HDDC2: variants seen among roughly 807,000 people sequenced by gnomAD.
The protein encoded by HDDC2 is HD domain containing 2, also known as 5'-deoxynucleotidase HDDC2.
In HDDC2, 25 loss-of-function variants were observed where a neutral mutation model predicts 25.5. The ratio of observed to expected loss-of-function variants is 0.98; its 90% CI spans 0.72 to 1.37. HDDC2 has a LOEUF of 1.37. Ranked by LOEUF, HDDC2 falls within the 40% of genes most tolerant of loss-of-function variation. HDDC2 has a pLI of 0.00. For missense variants in HDDC2, 264 were observed against 253.1 expected, an observed-to-expected ratio of 1.04 and a Z score of -0.29; for synonymous variants, 106 against 89.7, an observed-to-expected ratio of 1.18 and a Z score of -1.03.
At chr6:125,281,491 A>G (rs1485418215) in intron 4 of HDDC2, among the ~76,000 whole-genome samples, 2 of 152,190 alleles carry the variant, frequency 1.3e-5, no homozygotes, top group Admixed American at 1.3e-4. Context: ...TAACCAGAAT[A>G]AACAGTTTAG....
chr6:125,295,367 T>A (rs530342822), intron 3 of HDDC2, among the ~76,000 whole-genome samples: 1 of 152,324 alleles, frequency 6.6e-6, no homozygotes, highest in Non-Finnish European at 1.5e-5. Context: ...CAGACACTGA[T>A]GAGGCTGAAG....
rs1798782496 is a variant in HDDC2, at chr6:125,300,586, A to G, written c.158T>C (p.Met53Thr). 5.0e-6 allele frequency: 8 copies of G among 1,614,222 alleles called. No individual in the cohort carries two copies. In the East Asian group the frequency reaches 1.8e-4, roughly 36 times the overall value. Residue 53 changes from methionine to threonine, a missense_variant, in exon 2 of 6, where the codon ATG (methionine) becomes ACG (threonine). Transcript: ENST00000398153. ...PESVSDHMYRMAVMAMVIKDD... is the reference protein window; with the variant it reads ...PESVSDHMYRTAVMAMVIKDD... The stretch of plus-strand genomic sequence containing the variant: ...TTTGATCACCATAGCCATAACTGCC[A>G]TCCGGTACATGTGATCTGAAACGCT...
At chr6:125,292,251 A>AG (rs946851992) in intron 4 of HDDC2, among the ~76,000 whole-genome samples, 2 of 152,278 alleles carry the variant, frequency 1.3e-5, no homozygotes, top group Non-Finnish European at 2.9e-5. Flanking sequence ...AGACAACAGT[A>AG]GAAGAGGGAA....
Position 125,300,536 on chromosome 6 carries a change from A to T in HDDC2, c.206+2T>A, listed in dbSNP as rs113334907. On this transcript the variant is annotated splice_donor_variant, in intron 2 of 5. Coordinates refer to ENST00000398153, the MANE Select transcript of HDDC2 (RefSeq NM_016063.3). LOFTEE classifies it high-confidence loss of function. ...CGAGCATCAAAGTCCAGCTCAGCTT[A>T]CCGGTCTTTGTTAAGACGGTCATCT... 1 of 1,613,460 alleles carries T rather than the reference A, an allele frequency of 6.2e-7. No individual in the cohort carries two copies. Among genetic ancestry groups the T allele is most frequent in the Non-Finnish European group, 8.5e-7 (1 of 1,179,792 alleles).
chr6:125,284,186 G>T (rs570684283), intron 4 of HDDC2, among the ~76,000 whole-genome samples: 2 of 152,134 alleles, frequency 1.3e-5, no homozygotes, highest in Non-Finnish European at 2.9e-5. Context: ...AGATTTAAAC[G>T]TAAGACCTAA....
chr6:125,281,258 C>T (rs1235337511), intron 4 of HDDC2, among the ~76,000 whole-genome samples: 8 of 152,098 alleles, frequency 5.3e-5, no homozygotes, highest in South Asian at 4.1e-4. Context: ...GAAAAAACAG[C>T]GCAAAAAGGC....
chr6:125,292,326 G>A (rs1798644449), intron 4 of HDDC2, among the ~76,000 whole-genome samples: 1 of 151,478 alleles, frequency 6.6e-6, no homozygotes, highest in Admixed American at 6.6e-5. Flanking sequence ...ACTGTCAGCA[G>A]CACTGGGAAG....
chr6:125,298,908 A>T, intron 2 of HDDC2, 92 bp from the exon 3 acceptor site: 2 of 764,218 alleles, frequency 2.6e-6, no homozygotes, highest in Non-Finnish European at 4.2e-6. Context: ...TAATATATAT[A>T]TTTTTTCTCC....
In HDDC2 at chr6:125,276,000, G is replaced by T; in HGVS notation, c.*146C>A. On this transcript the variant is annotated 3_prime_UTR_variant, in exon 6 of 6. Coordinates refer to ENST00000398153, the MANE Select transcript of HDDC2 (RefSeq NM_016063.3). ...TGTGGCTTCTTTTAGTGCCCAAGTT[G>T]TATCACATTTCTTGCTGAAGTTCAG... The T allele has an allele frequency of 1.5e-6, 1 of 649,726 alleles. No individual in the cohort carries two copies. Among genetic ancestry groups the T allele is most frequent in the Non-Finnish European group, 2.7e-6 (1 of 369,220 alleles). 40.2% of individuals were successfully genotyped at this position (649,726 alleles called of 1,614,324 possible).
intron 2 of HDDC2, 39 bp downstream of exon 2, chr6:125,300,499 C>T (rs2243389): frequency 0.19 from 302,289 of 1,604,270 alleles, 33,987 homozygotes; most frequent in African/African-American, 0.53. Flanking sequence ...ACCCATAGAC[C>T]AGAATCTCTC....
intron 4 of HDDC2, among the ~76,000 whole-genome samples, chr6:125,279,654 AAAAT>A (rs1490605507): frequency 5.3e-5 from 8 of 152,234 alleles, no homozygotes; most frequent in African/African-American, 1.7e-4. Flanking sequence ...TGTCAATTTA[AAAAT>A]AAATAAATTA....
intron 4 of HDDC2, among the ~76,000 whole-genome samples, chr6:125,281,229 A>G (rs909480275): frequency 8.5e-5 from 13 of 152,264 alleles, no homozygotes; most frequent in African/African-American, 2.7e-4. Flanking sequence ...CCAAAGGTAG[A>G]TAAATCCACA....
chr6:125,300,631 C>A lies in HDDC2; in HGVS notation c.113G>T (p.Arg38Ile). ...AACGCTCTCCGGCCTCTGGACATTT[C>A]TGTATACCCAGCCAGTTCGTGGGAC... ...KRVPRTGWVY[R>I]NVQRPESVSD... Residue 38 changes from arginine to isoleucine, a missense_variant, in exon 2 of 6, where the codon AGA becomes ATA. Coordinates refer to ENST00000398153, the MANE Select transcript of HDDC2 (RefSeq NM_016063.3). 6.2e-7 allele frequency: 1 copy of A among 1,613,980 alleles called. No individual in the cohort carries two copies. Among genetic ancestry groups the A allele is most frequent in the Non-Finnish European group, 8.5e-7 (1 of 1,179,980 alleles).
chr6:125,278,056 A>C (rs1798398801), intron 4 of HDDC2: 1 of 152,172 alleles, frequency 6.6e-6, no homozygotes, highest in African/African-American at 2.4e-5. Context: ...TTCCCTGCCA[A>C]GTTCTTGTTT....
intron 4 of HDDC2, chr6:125,279,299 T>C (rs1798421283): frequency 6.6e-6 from 1 of 152,162 alleles, no homozygotes; most frequent in Non-Finnish European, 1.5e-5. Context: ...TGGGGCTGCT[T>C]TCCAGGAGAG....
intron 3 of HDDC2, among the ~76,000 whole-genome samples, chr6:125,294,125 T>C (rs1798670480): frequency 6.6e-6 from 1 of 152,236 alleles, no homozygotes; most frequent in Non-Finnish European, 1.5e-5. Context: ...TACCTTTTAA[T>C]CAGCCTCAGT....
intron 3 of HDDC2, among the ~76,000 whole-genome samples, chr6:125,294,820 G>GT: frequency 6.6e-6 from 1 of 152,194 alleles, no homozygotes; most frequent in Non-Finnish European, 1.5e-5. Context: ...TAAGTGCAGT[G>GT]TAAGACTGAA....
Position 125,277,051 on chromosome 6 carries a change from A to G in HDDC2, c.517+51T>C. 3 of 1,597,594 alleles carry G rather than the reference A, an allele frequency of 1.9e-6. No homozygotes were observed. In the Admixed American group the frequency reaches 5.0e-5, roughly 27 times the overall value. On this transcript the variant is annotated intron_variant, in intron 5 of 5. Coordinates refer to ENST00000398153, the MANE Select transcript of HDDC2 (RefSeq NM_016063.3). Reference sequence around the variant, plus strand: ...CCCTAATATTAACATTAGTCACTACACTGAGTAAGCCAAACTAAAATGGAC... The same window carrying G: ...CCCTAATATTAACATTAGTCACTACGCTGAGTAAGCCAAACTAAAATGGAC...
rs1798802685 is a variant in HDDC2, at chr6:125,301,482, G to GCACACACGCGCACA, written c.84+366_84+367insTGTGCGCGTGTGTG. Among the ~76,000 whole-genome samples the GCACACACGCGCACA allele has an allele frequency of 2.5e-5, 3 of 120,344 alleles. 1 individual carries two copies. The highest frequency in any genetic ancestry group is 1.0e-4 in the African/African-American group (3 of 29,656). The allele number at this position is 120,344 out of a possible 152,430, so 79.0% of individuals were successfully genotyped here. ...ACACACACGAGTTCTGGGGTCGTGA[G>GCACACACGCGCACA]CACACACACACACACACACACACAC... On this transcript the variant is annotated intron_variant, in intron 1 of 5. Transcript: ENST00000398153.
Sources: gnomAD v4.1 joint callset for allele counts (sites outside exome capture counted in the v4.1 genomes callset) on GRCh38, gnomAD v4.1.1 for gene constraint, MANE v1.5 for transcripts, NCBI Gene and HGNC (gene_info 2026-07-23, HGNC 2026-07-21) for gene names.